Variants in CDH7 observed in about 807,000 individuals in gnomAD.
CDH7 encodes the protein cadherin-7.
CDH7 carries 25 observed loss-of-function variants against 71.8 expected under a neutral mutation model. The ratio of observed to expected loss-of-function variants is 0.35; its 90% CI spans 0.25 to 0.49. The LOEUF is 0.49. Ranked by LOEUF, CDH7 falls within the 20% of genes least tolerant of loss-of-function variation. The probability of loss-of-function intolerance (pLI) is 0.99; values close to 1 mark genes in which losing one functional copy is unlikely to be tolerated. For synonymous variants in CDH7, 381 were observed against 363.8 expected (o/e 1.05, Z -0.54); for missense variants, 862 against 974.6 (o/e 0.88, Z 1.54).
In CDH7 at chr18:65,762,787, C is replaced by A; in HGVS notation, c.-56C>A. On this transcript the variant is annotated 5_prime_UTR_variant, in exon 2 of 12. An upstream open reading frame in the 5' UTR gains an earlier in-frame stop. Transcript: ENST00000397968. ...AGCTACTAAGCCAACTGGAACTGTG[C>A]CTTTTCTCTTGTCAAGGTTTTTTTC... is the stretch of plus-strand genomic sequence containing the variant. 1.3e-6 allele frequency: 2 copies of A among 1,482,200 alleles called. No individual in the cohort carries two copies. Among genetic ancestry groups the A allele is most frequent in the Non-Finnish European group, 9.2e-7 (1 of 1,086,398 alleles). The allele number at this position is 1,482,200 out of a possible 1,614,324, so 91.8% of individuals were successfully genotyped here.
intron 2 of CDH7, among the ~76,000 whole-genome samples, chr18:65,806,808 A>G (rs1241638615): frequency 1.3e-5 from 2 of 152,162 alleles, no homozygotes; most frequent in African/African-American, 4.8e-5. Context: ...TTTTTTACTA[A>G]GAGTGTGGAT....
chr18:65,861,710 G>A (rs1264432695), intron 10 of CDH7, among the ~76,000 whole-genome samples: 1 of 152,070 alleles, frequency 6.6e-6, no homozygotes, highest in Non-Finnish European at 1.5e-5. Context: ...TGCTGTTTGA[G>A]ACAGATTTCA....
In CDH7 at chr18:65,868,969, C is replaced by G. The variant is rs369730000; in HGVS notation, c.1864+6052C>G. ...TACAGGAGGTCTACCAATGTATGTT[C>G]CTTGTTCTATTGGAGAGTTGAAACT... On this transcript the variant is annotated intron_variant, in intron 11 of 11. Transcript: ENST00000397968. 2.6e-4 allele frequency among the ~76,000 whole-genome samples: 40 copies of G among 152,196 alleles called. No homozygotes were observed. The East Asian group carries it at 5.3e-3, about 20-fold the overall frequency.
chr18:65,777,277 A>G (rs1156484889), intron 2 of CDH7, among the ~76,000 whole-genome samples: 1 of 152,094 alleles, frequency 6.6e-6, no homozygotes, highest in East Asian at 1.9e-4. Flanking sequence ...AACAAAAATA[A>G]TTATGTTGGT....
At chr18:65,851,393 T>G (rs564858146) in intron 7 of CDH7, among the ~76,000 whole-genome samples, 1 of 152,300 alleles carries the variant, frequency 6.6e-6, no homozygotes, top group South Asian at 2.1e-4. Context: ...CTTTTGCCAC[T>G]TTGGGAGTAC....
rs576792071 is a variant in CDH7, at chr18:65,796,770, C to T, written c.211-12934C>T. Among the ~76,000 whole-genome samples the T allele has an allele frequency of 9.9e-5, 15 of 152,216 alleles. No homozygotes were observed. In the South Asian group the frequency reaches 1.3e-3, roughly 13 times the overall value. The stretch of plus-strand genomic sequence containing the variant: ...AAGCAGTTTTAATATCATGCTGACT[C>T]GCTTGAGCAATTCTAATTATGTTGC... On this transcript the variant is annotated intron_variant, in intron 2 of 11. Transcript: ENST00000397968.
intron 1 of CDH7, among the ~76,000 whole-genome samples, chr18:65,757,623 A>G (rs1916067567): frequency 6.6e-6 from 1 of 152,032 alleles, no homozygotes. Flanking sequence ...TTAATCATTT[A>G]TCCAGTAACC....
intron 2 of CDH7, among the ~76,000 whole-genome samples, chr18:65,807,567 G>A (rs999416104): frequency 6.6e-6 from 1 of 152,228 alleles, no homozygotes; most frequent in Non-Finnish European, 1.5e-5. Context: ...CAGCAGTAAC[G>A]TGTAGGTAAG....
chr18:65,792,936 C>A (rs906773799), intron 2 of CDH7, among the ~76,000 whole-genome samples: 1 of 152,140 alleles, frequency 6.6e-6, no homozygotes, highest in Admixed American at 6.5e-5. Flanking sequence ...GCTGTCCCAC[C>A]TCTGAGACCC....
At chr18:65,830,547 T>G (rs148558888) in intron 6 of CDH7, among the ~76,000 whole-genome samples, 2 of 150,962 alleles carry the variant, frequency 1.3e-5, no homozygotes, top group Non-Finnish European at 3.0e-5. Flanking sequence ...CCTCCCTTCC[T>G]TCCTTCTTTC....
intron 2 of CDH7, among the ~76,000 whole-genome samples, chr18:65,773,143 T>C (rs1916594182): frequency 6.6e-6 from 1 of 152,164 alleles, no homozygotes; most frequent in African/African-American, 2.4e-5. Context: ...AAGTTTAAGC[T>C]ACCTCAGAGG....
At chr18:65,814,458 T>G (rs778961996) in intron 3 of CDH7, 27 bp from the exon 4 acceptor site, 1 of 1,613,682 alleles carries the variant, frequency 6.2e-7, no homozygotes, top group Non-Finnish European at 8.5e-7. Flanking sequence ...AAGTTTTTAA[T>G]TCAGTGGTTT....
At position 65,857,945 on chromosome 18, in the gene CDH7, G is replaced by A; in HGVS notation, c.1365G>A (p.Met455Ile). The change falls in exon 8 of 12, where the codon ATG becomes ATA. Residue 455 changes from methionine to isoleucine, a missense_variant. Met to Ile is a conservative substitution (Grantham distance 10). Transcript: ENST00000397968. ...TTCACAATATCACAGTCCTTGCAAT[G>A]GAGAGCCGTAAGTTGTGAGGCTTAA... The part of the protein sequence containing the change: ...NAIHNITVLA[M>I]ESQNPSQVGR... The A allele has an allele frequency of 6.2e-7, 1 of 1,613,226 alleles. No homozygotes were observed. The highest frequency in any genetic ancestry group is 8.5e-7 in the Non-Finnish European group (1 of 1,179,486).
At chr18:65,778,432 A>C (rs183788217) in intron 2 of CDH7, among the ~76,000 whole-genome samples, 84 of 151,272 alleles carry the variant, frequency 5.6e-4, no homozygotes, top group Non-Finnish European at 1.0e-3. Flanking sequence ...TATTCCCAGG[A>C]TATCCACCAT....
intron 2 of CDH7, among the ~76,000 whole-genome samples, chr18:65,804,683 A>G (rs1367058566): frequency 1.6e-5 from 2 of 121,738 alleles, no homozygotes; most frequent in African/African-American, 5.6e-5. Flanking sequence ...GCACGTTTCA[A>G]CCCTCCCTTA....
intron 2 of CDH7, among the ~76,000 whole-genome samples, chr18:65,804,382 A>G (rs143283973): frequency 6.6e-6 from 1 of 152,276 alleles, no homozygotes; most frequent in East Asian, 1.9e-4. Context: ...AGAGTTTAAG[A>G]AGTACTAGAG....
chr18:65,812,214 G>A (rs1455526855), intron 3 of CDH7, among the ~76,000 whole-genome samples: 1 of 151,868 alleles, frequency 6.6e-6, no homozygotes, highest in Non-Finnish European at 1.5e-5. Flanking sequence ...TGATCTGCCC[G>A]ACTCAGCCTC....
At position 65,882,755 on chromosome 18, in the gene CDH7, C is replaced by A. The variant is rs1415273497; in HGVS notation, c.*1861C>A. The A allele has an allele frequency of 2.0e-5, 3 of 151,964 alleles. No homozygotes were observed. Among genetic ancestry groups the A allele is most frequent in the Admixed American group, 6.6e-5 (1 of 15,256 alleles). The allele number at this position is 151,964 out of a possible 1,614,324, so 9.4% of individuals were successfully genotyped here. ...AATTATAACAGTGAAAGATACTGTT[C>A]ATAACTTTTAATCACACATGCAAGT... On this transcript the variant is annotated 3_prime_UTR_variant, in exon 12 of 12. Coordinates refer to ENST00000397968, the MANE Select transcript of CDH7 (RefSeq NM_004361.5).
chr18:65,866,853 TA>T (rs1913778427), intron 11 of CDH7, among the ~76,000 whole-genome samples: 1 of 152,022 alleles, frequency 6.6e-6, no homozygotes, highest in African/African-American at 2.4e-5. Context: ...CTGAATTCTT[TA>T]AATGAAAAAA....
Sources: gnomAD v4.1 joint callset for allele counts (sites outside exome capture counted in the v4.1 genomes callset) on GRCh38, gnomAD v4.1.1 for gene constraint, MANE v1.5 for transcripts, NCBI Gene and HGNC (gene_info 2026-07-23, HGNC 2026-07-21) for gene names.